WRN: variants seen among roughly 807,000 people sequenced by gnomAD.
WRN encodes the protein WRN RecQ like helicase.
Under a neutral mutation model 180.7 loss-of-function variants are expected in WRN, and 149 were observed. The ratio of observed to expected loss-of-function variants is 0.82; its 90% CI spans 0.72 to 0.94. The LOEUF is 0.94. Ranked by LOEUF, WRN falls within the 40% of genes least tolerant of loss-of-function variation. The pLI, the probability that WRN is intolerant of heterozygous loss-of-function variation, is 0.00. For missense variants in WRN, 1,661 were observed against 1,700.1 expected (o/e 0.98, Z 0.40); for synonymous variants, 548 against 568.9 (o/e 0.96, Z 0.52).
At chr8:31,150,548 T>A in intron 31 of WRN, 93 bp downstream of exon 31, 1 of 1,061,144 alleles carries the variant, frequency 9.4e-7, no homozygotes, top group Non-Finnish European at 1.5e-6. Flanking sequence ...TTGCTCACTT[T>A]ATTTGCATTT....
intron 9 of WRN, among the ~76,000 whole-genome samples, chr8:31,083,154 C>T (rs1813387187): frequency 1.3e-5 from 2 of 152,098 alleles, no homozygotes; most frequent in African/African-American, 4.8e-5. Context: ...TGAAAAGTTT[C>T]CTCATACCCA....
chr8:31,115,122 C>T (rs1422246517), intron 19 of WRN, among the ~76,000 whole-genome samples: 1 of 152,152 alleles, frequency 6.6e-6, no homozygotes, highest in Non-Finnish European at 1.5e-5. Context: ...TCTCGAACTT[C>T]TGAGCTCAGG....
intron 1 of WRN, among the ~76,000 whole-genome samples, chr8:31,052,116 T>G (rs576009427): frequency 1.3e-5 from 2 of 152,300 alleles, no homozygotes; most frequent in East Asian, 3.9e-4. Context: ...TGTCTAACCC[T>G]TTAGAGAAAA....
chr8:31,157,441 G>T lies in WRN; in HGVS notation c.3893G>T (p.Gly1298Val), dbSNP rs202129203. 6.4e-5 allele frequency: 104 copies of T among 1,614,096 alleles called. No homozygotes were observed. In the East Asian group the frequency reaches 2.3e-3, roughly 35 times the overall value. ...CACTTATCCCAAGCGGTGAAAGCTG[G>T]CTGCCCCCTTGATTTGGAGCGAGCA... ...GMHLSQAVKAGCPLDLERAGL... is the reference protein window; with the variant it reads ...GMHLSQAVKAVCPLDLERAGL... The change falls in exon 33 of 35, where the codon GGC becomes GTC. Residue 1298 changes from glycine (G) to valine (V), a missense_variant. Around this residue, in one of 3 missense-constraint regions of WRN, gnomAD observed 1,141 missense variants for 1,149.4 expected, o/e 0.99. Transcript: ENST00000298139.
At chr8:31,120,486 A>T (rs1801684393) in intron 21 of WRN, 62 bp downstream of exon 21, 1 of 1,518,862 alleles carries the variant, frequency 6.6e-7, no homozygotes, top group Non-Finnish European at 8.9e-7. Context: ...TATAAACCTC[A>T]AAAGTGTTTG....
At chr8:31,043,271 G>C (rs954268637) in intron 1 of WRN, among the ~76,000 whole-genome samples, 1 of 152,202 alleles carries the variant, frequency 6.6e-6, no homozygotes, top group African/African-American at 2.4e-5. Flanking sequence ...CCCGAAATTT[G>C]TTGCAATTGG....
intron 7 of WRN, among the ~76,000 whole-genome samples, chr8:31,073,448 G>T (rs1212014312): frequency 6.6e-6 from 1 of 152,194 alleles, no homozygotes; most frequent in Non-Finnish European, 1.5e-5. Context: ...ATTATGAGAA[G>T]AACAGGTTTG....
intron 5 of WRN, among the ~76,000 whole-genome samples, chr8:31,065,813 C>T (rs1812673426): frequency 6.6e-6 from 1 of 150,672 alleles, no homozygotes; most frequent in Non-Finnish European, 1.5e-5. Flanking sequence ...TGAGGAATTG[C>T]TACACAGTTT....
In WRN at chr8:31,100,893, TGG is replaced by T; in HGVS notation, c.2030_2031del (p.Gly677AlafsTer2). ...GGATGAGGCTCACTGTATTTCTGAGTGGGGGCATGATTTTAGGGATTCATTCA... is the reference window on the plus strand; with the variant it reads ...GGATGAGGCTCACTGTATTTCTGAGTGGGCATGATTTTAGGGATTCATTCA... ...AVDEAHCISE[W>X]GHDFRDSFRK... On this transcript the variant is annotated frameshift_variant, in exon 18 of 35. Coordinates refer to ENST00000298139, the MANE Select transcript of WRN (RefSeq NM_000553.6). LOFTEE classifies it high-confidence loss of function. The T allele has an allele frequency of 6.2e-7, 1 of 1,613,998 alleles. No individual in the cohort carries two copies. Among genetic ancestry groups the T allele is most frequent in the Non-Finnish European group, 8.5e-7 (1 of 1,179,988 alleles).
intron 10 of WRN, among the ~76,000 whole-genome samples, chr8:31,084,803 A>G (rs397833765): frequency 3.3e-5 from 5 of 152,226 alleles, no homozygotes; most frequent in Non-Finnish European, 7.3e-5. Flanking sequence ...TTCTTTGTAC[A>G]GCATTTTTCA....
At chr8:31,052,021 T>C (rs1303244730) in intron 1 of WRN, among the ~76,000 whole-genome samples, 1 of 152,244 alleles carries the variant, frequency 6.6e-6, no homozygotes, top group Non-Finnish European at 1.5e-5. Flanking sequence ...TATGCTTAAG[T>C]ATTGTTTATG....
At chr8:31,089,212 C>T (rs911497107) in intron 13 of WRN, among the ~76,000 whole-genome samples, 4 of 152,010 alleles carry the variant, frequency 2.6e-5, no homozygotes, top group Non-Finnish European at 5.9e-5. Context: ...TGAGTAGAAA[C>T]TAGTTTAAAG....
In WRN at chr8:31,065,046, G is replaced by T. The variant is rs368717487; in HGVS notation, c.487G>T (p.Asp163Tyr). ...IKLKNFVELT[D>Y]VANKKLKCTE... The stretch of plus-strand genomic sequence containing the variant: ...ATTGAAGAATTTTGTGGAGTTGACA[G>T]ATGTTGCCAATAAAAAGGTAAAAGC... Residue 163 changes from aspartate to tyrosine, a missense_variant, in exon 5 of 35, where the codon GAT becomes TAT. By Grantham distance (160) the Asp-to-Tyr change is radical. Coordinates refer to ENST00000298139, the MANE Select transcript of WRN (RefSeq NM_000553.6). The T allele has an allele frequency of 1.9e-6, 3 of 1,613,340 alleles. No homozygotes were observed. Among genetic ancestry groups the T allele is most frequent in the Non-Finnish European group, 2.5e-6 (3 of 1,179,628 alleles).
In WRN at chr8:31,173,518, A is replaced by G. The variant is rs896904776; in HGVS notation, c.*416A>G. 3 of 188,860 alleles carry G rather than the reference A, an allele frequency of 1.6e-5. No individual in the cohort carries two copies. The highest frequency in any genetic ancestry group is 3.3e-5 in the Non-Finnish European group (3 of 89,850). The allele number at this position is 188,860 out of a possible 1,614,324, so 11.7% of individuals were successfully genotyped here. A position where few individuals can be genotyped will look rare whatever the true frequency, so the allele number is the denominator to read the frequency against. On this transcript the variant is annotated 3_prime_UTR_variant, in exon 35 of 35. Coordinates refer to ENST00000298139, the MANE Select transcript of WRN (RefSeq NM_000553.6). The stretch of plus-strand genomic sequence containing the variant: ...TTCTGTTTTGTAAATGTAAGAAAGC[A>G]TAGTTATTTTACAAATTGTTTTTAC...
intron 23 of WRN, among the ~76,000 whole-genome samples, chr8:31,129,109 A>C (rs1802047548): frequency 6.6e-6 from 1 of 152,228 alleles, no homozygotes; most frequent in East Asian, 1.9e-4. Context: ...CAGCTTCCCA[A>C]GTAGCTACAG....
intron 17 of WRN, among the ~76,000 whole-genome samples, chr8:31,097,521 C>A (rs1184149688): frequency 6.6e-6 from 1 of 152,054 alleles, no homozygotes; most frequent in Admixed American, 6.6e-5. Flanking sequence ...TTTCCTAGAA[C>A]GTGTAAATAT....
chr8:31,068,415 A>G, intron 7 of WRN, 88 bp downstream of exon 7: 1 of 1,091,322 alleles, frequency 9.2e-7, no homozygotes, highest in Non-Finnish European at 1.4e-6. Context: ...TTTGCAAAGC[A>G]TTTAGTACTA....
Position 31,111,695 on chromosome 8 carries a change from T to G in WRN, c.2169T>G (p.Pro723=). The G allele has an allele frequency of 6.2e-7, 1 of 1,614,116 alleles. No individual in the cohort carries two copies. The highest frequency in any genetic ancestry group is 2.2e-5 in the East Asian group (1 of 44,848). ...DIVRCLNLRN[P]QITCTGFDRP... Reference sequence around the variant, plus strand: ...TACGTTGCTTAAATCTGAGAAATCCTCAGATCACCTGTACTGGTTTTGATC... The same window carrying G: ...TACGTTGCTTAAATCTGAGAAATCCGCAGATCACCTGTACTGGTTTTGATC... Residue 723 remains proline, a synonymous_variant, in exon 19 of 35, where the codon CCT becomes CCG. Coordinates refer to ENST00000298139, the MANE Select transcript of WRN (RefSeq NM_000553.6).
At chr8:31,046,900 A>C (rs1811887055) in intron 1 of WRN, among the ~76,000 whole-genome samples, 1 of 152,156 alleles carries the variant, frequency 6.6e-6, no homozygotes, top group Non-Finnish European at 1.5e-5. Flanking sequence ...CACAATCACA[A>C]AATTGCTGAT....
Sources: allele counts gnomAD v4.1 joint callset (sites outside exome capture counted in the v4.1 genomes callset), GRCh38; gene constraint gnomAD v4.1.1; regional missense constraint gnomAD v4.1.1; transcripts MANE v1.5; gene names NCBI Gene and HGNC (gene_info 2026-07-23, HGNC 2026-07-21).